Variants in PLCB1 observed in about 807,000 individuals in gnomAD.
The protein encoded by PLCB1 is phospholipase C beta 1.
PLCB1 carries 46 observed loss-of-function variants against 161.8 expected under a neutral mutation model. The observed-to-expected ratio is 0.28, with a 90% CI of 0.22 to 0.36. The LOEUF (loss-of-function observed/expected upper bound fraction) is 0.36. Ranked by LOEUF, PLCB1 falls within the 10% of genes least tolerant of loss-of-function variation. PLCB1 has a pLI of 1.00. For synonymous variants in PLCB1, 517 were observed against 503.7 expected (o/e 1.03, Z -0.35); for missense variants, 1,016 against 1,472.5 (o/e 0.69, Z 5.07).
chr20:8,657,113 G>C, intron 7 of PLCB1, 71 bp from the exon 8 acceptor site: 2 of 841,264 alleles, frequency 2.4e-6, no homozygotes, highest in Non-Finnish European at 4.2e-6. Context: ...AGAAGACAGA[G>C]AAAAAACAGG....
intron 3 of PLCB1, among the ~76,000 whole-genome samples, chr20:8,380,496 A>G (rs1172248259): frequency 6.6e-6 from 1 of 152,188 alleles, no homozygotes; most frequent in Non-Finnish European, 1.5e-5. Context: ...TGTCAATGGT[A>G]GTTTCATGGG....
chr20:8,356,405 T>A (rs1478785808), intron 2 of PLCB1, among the ~76,000 whole-genome samples: 1 of 152,156 alleles, frequency 6.6e-6, no homozygotes, highest in African/African-American at 2.4e-5. Context: ...GGAATTTGTG[T>A]TTCTAGCGAG....
At chr20:8,448,906 G>T (rs755973312) in intron 3 of PLCB1, among the ~76,000 whole-genome samples, 2 of 152,162 alleles carry the variant, frequency 1.3e-5, no homozygotes, top group Non-Finnish European at 2.9e-5. Flanking sequence ...ACAGGCTATT[G>T]AATAGGATGA....
At chr20:8,711,095 A>T (rs1358915087) in intron 12 of PLCB1, among the ~76,000 whole-genome samples, 4 of 152,228 alleles carry the variant, frequency 2.6e-5, no homozygotes, top group Non-Finnish European at 5.9e-5. Flanking sequence ...AGATGATGGA[A>T]CTGAGTCCTA....
At chr20:8,797,471 T>C (rs1984085498) in intron 31 of PLCB1, among the ~76,000 whole-genome samples, 1 of 152,208 alleles carries the variant, frequency 6.6e-6, no homozygotes, top group Admixed American at 6.5e-5. Flanking sequence ...TGTCAATGAA[T>C]TGTTTTTAGT....
chr20:8,287,111 C>A (rs546620048), intron 2 of PLCB1, among the ~76,000 whole-genome samples: 1 of 152,188 alleles, frequency 6.6e-6, no homozygotes, highest in Admixed American at 6.5e-5. Context: ...GAAAACAAGA[C>A]AAATTCTACA....
intron 2 of PLCB1, among the ~76,000 whole-genome samples, chr20:8,235,897 G>C (rs558757320): frequency 6.6e-6 from 1 of 152,156 alleles, no homozygotes; most frequent in African/African-American, 2.4e-5. Context: ...CTTAAGGCGT[G>C]TATAGGATTC....
chr20:8,471,286 CATTGTA>C (rs1982041582), intron 3 of PLCB1, among the ~76,000 whole-genome samples: 1 of 152,120 alleles, frequency 6.6e-6, no homozygotes, highest in Non-Finnish European at 1.5e-5. Flanking sequence ...TGTAAATAGA[CATTGTA>C]AGTGTTCAAA....
Position 8,821,515 on chromosome 20 carries a change from A to G in PLCB1, c.3423+31254A>G, listed in dbSNP as rs1261100307. Among the ~76,000 whole-genome samples the G allele has an allele frequency of 1.5e-3, 31 of 21,276 alleles. 5 individuals carry two copies. Among genetic ancestry groups the G allele is most frequent in the African/African-American group, 8.9e-3 (29 of 3,248 alleles). 14.0% of individuals were successfully genotyped at this position (21,276 alleles called of 152,430 possible). A position where few individuals can be genotyped will look rare whatever the true frequency, so the allele number is the denominator to read the frequency against. ...AAAAAAAATATGTATATATATATAT[A>G]TATATATATATATATATATATATAT... On this transcript the variant is annotated intron_variant, in intron 31 of 31. Coordinates refer to ENST00000338037, the MANE Select transcript of PLCB1 (RefSeq NM_015192.4).
intron 3 of PLCB1, among the ~76,000 whole-genome samples, chr20:8,490,849 C>T (rs1982913283): frequency 7.2e-6 from 1 of 139,768 alleles, no homozygotes; most frequent in Non-Finnish European, 1.6e-5. Context: ...GTTGTTGGCT[C>T]ATATATATAG....
intron 2 of PLCB1, among the ~76,000 whole-genome samples, chr20:8,151,506 G>A (rs1049712553): frequency 6.6e-6 from 1 of 152,154 alleles, no homozygotes; most frequent in South Asian, 2.1e-4. Flanking sequence ...GGCTGTAGAA[G>A]TGGAGGTAAA....
At chr20:8,394,251 CTT>C (rs778847444) in intron 3 of PLCB1, among the ~76,000 whole-genome samples, 3 of 152,056 alleles carry the variant, frequency 2.0e-5, no homozygotes, top group Non-Finnish European at 4.4e-5. Flanking sequence ...CATCTTATGA[CTT>C]ATATAAAATT....
chr20:8,720,149 C>T (rs1979546681), intron 14 of PLCB1, among the ~76,000 whole-genome samples: 1 of 152,150 alleles, frequency 6.6e-6, no homozygotes, highest in Non-Finnish European at 1.5e-5. Context: ...CAACTCTATC[C>T]GTTGAATGAT....
intron 24 of PLCB1, 132 bp downstream of exon 24, chr20:8,757,310 C>A: frequency 2.4e-6 from 2 of 827,188 alleles, no homozygotes; most frequent in East Asian, 2.7e-5. Context: ...GGAGGAGCTC[C>A]GTCAATGTGC....
intron 27 of PLCB1, among the ~76,000 whole-genome samples, chr20:8,782,093 C>T (rs1300915092): frequency 6.6e-6 from 1 of 151,998 alleles, no homozygotes; most frequent in African/African-American, 2.4e-5. Flanking sequence ...AAATAAGCAG[C>T]TATTTTAATA....
At chr20:8,729,287 T>A in intron 18 of PLCB1, 113 bp downstream of exon 18, 2 of 963,882 alleles carry the variant, frequency 2.1e-6, no homozygotes, top group Non-Finnish European at 1.4e-6. Flanking sequence ...AAAAAATAAA[T>A]AAAAGCAAAT....
intron 18 of PLCB1, among the ~76,000 whole-genome samples, chr20:8,731,150 G>C (rs772491961): frequency 6.6e-6 from 1 of 151,620 alleles, no homozygotes; most frequent in Non-Finnish European, 1.5e-5. Context: ...TCTAAGCCAC[G>C]ATTAAGAGTA....
chr20:8,188,720 C>A (rs1046749621), intron 2 of PLCB1, among the ~76,000 whole-genome samples: 1 of 152,068 alleles, frequency 6.6e-6, no homozygotes, highest in East Asian at 1.9e-4. Context: ...TGTATTGCGA[C>A]GTTTTCACTT....
chr20:8,713,062 G>A (rs182426555), intron 12 of PLCB1, among the ~76,000 whole-genome samples: 1 of 152,164 alleles, frequency 6.6e-6, no homozygotes, highest in African/African-American at 2.4e-5. Flanking sequence ...AGTTCCATCA[G>A]GTGGGTGTGC....
Sources: allele counts gnomAD v4.1 joint callset (sites outside exome capture counted in the v4.1 genomes callset), GRCh38; gene constraint gnomAD v4.1.1; transcripts MANE v1.5; gene names NCBI Gene and HGNC (gene_info 2026-07-23, HGNC 2026-07-21).